Variants in BAIAP3 observed in about 807,000 individuals in gnomAD.
BAIAP3 encodes the protein BAI1-associated protein 3.
A neutral mutation model predicts 149.7 loss-of-function variants in BAIAP3; 180 were observed. The ratio of observed to expected loss-of-function variants is 1.20; its 90% CI spans 1.07 to 1.36. The LOEUF is 1.36. Ranked by LOEUF, BAIAP3 falls within the 40% of genes most tolerant of loss-of-function variation. BAIAP3 has a pLI of 0.00. For missense variants in BAIAP3, 1,767 were observed against 1,563.4 expected (o/e 1.13, Z -2.20); for synonymous variants, 845 against 670.7 (o/e 1.26, Z -4.02).
chr16:1,342,424 A>C, intron 11 of BAIAP3, 103 bp from the exon 12 acceptor site: 1 of 1,377,028 alleles, frequency 7.3e-7, no homozygotes, highest in South Asian at 1.3e-5. Context: ...CATTCCCCGG[A>C]GAAGGGAAGC....
rs1423510440 is a variant in BAIAP3, at chr16:1,348,314, C to T, written c.3355+13C>T. The T allele has an allele frequency of 1.9e-6, 3 of 1,602,664 alleles. No homozygotes were observed. On this transcript the variant is annotated intron_variant, in intron 33 of 33. Coordinates refer to ENST00000426824, the MANE Select transcript of BAIAP3 (RefSeq NM_001199097.2). Reference sequence around the variant, plus strand: ...CCCAGAGCCCAGGGTGAGTGAGCATCTGGGTGGAGGCAGGGGCAGCGGGCC... The same window carrying T: ...CCCAGAGCCCAGGGTGAGTGAGCATTTGGGTGGAGGCAGGGGCAGCGGGCC...
At chr16:1,345,410 C>A in intron 22 of BAIAP3, 38 bp downstream of exon 22, 2 of 1,570,102 alleles carry the variant, frequency 1.3e-6, no homozygotes, top group South Asian at 2.3e-5. Flanking sequence ...TGGGGCTGGT[C>A]CAGGCCCCCA....
At chr16:1,343,603 C>CT in intron 15 of BAIAP3, 90 bp downstream of exon 15, 1 of 1,521,324 alleles carries the variant, frequency 6.6e-7, no homozygotes, top group Non-Finnish European at 8.9e-7. Flanking sequence ...GGGGCAGAGT[C>CT]CTGCCCGCGT....
rs552188478 is a variant in BAIAP3, at chr16:1,334,411, G to T, written c.-11+662G>T. On this transcript the variant is annotated intron_variant, in intron 1 of 33. Coordinates refer to ENST00000426824, the MANE Select transcript of BAIAP3 (RefSeq NM_001199097.2). ...AGACCCCCATAGAACTGGGGGTGTGGCTCCTGCGGGCGCCCGGGGCCCCGG... is the reference window on the plus strand; with the variant it reads ...AGACCCCCATAGAACTGGGGGTGTGTCTCCTGCGGGCGCCCGGGGCCCCGG... The T allele has an allele frequency of 7.6e-3, 4,172 of 547,770 alleles. 26 individuals are homozygous for T. Among genetic ancestry groups the T allele is most frequent in the Non-Finnish European group, 0.011 (3,371 of 303,904 alleles). 33.9% of individuals were successfully genotyped at this position (547,770 alleles called of 1,614,324 possible).
In BAIAP3 at chr16:1,348,198, C is replaced by T; in HGVS notation, c.3252C>T (p.Ala1084=). 6.2e-7 allele frequency: 1 copy of T among 1,609,110 alleles called. No individual in the cohort carries two copies. Residue 1084 remains alanine, a synonymous_variant, in exon 33 of 34, where the codon GCC becomes GCT. Transcript: ENST00000426824. Reference sequence around the variant, plus strand: ...CCAACGACTTCGCTGGGGAGGCGGCCCTCGGCCTAGGTGGCGTCACTGGTG... The same window carrying T: ...CCAACGACTTCGCTGGGGAGGCGGCTCTCGGCCTAGGTGGCGTCACTGGTG... The part of the protein sequence containing the change: ...LSTNDFAGEA[A]LGLGGVTGVA...
Position 1,349,302 on chromosome 16 carries a change from G to A in BAIAP3, c.*820G>A. On this transcript the variant is annotated 3_prime_UTR_variant, in exon 34 of 34. Coordinates refer to ENST00000426824, the MANE Select transcript of BAIAP3 (RefSeq NM_001199097.2). ...CAGGACACAGAGCACAGCTGTGCTGGAAGTGTGGGGAGAACCCGGACAGCT... is the reference window on the plus strand; with the variant it reads ...CAGGACACAGAGCACAGCTGTGCTGAAAGTGTGGGGAGAACCCGGACAGCT... 3.1e-6 allele frequency: 3 copies of A among 966,428 alleles called. No individual in the cohort carries two copies. Among genetic ancestry groups the A allele is most frequent in the South Asian group, 1.4e-5 (1 of 73,598 alleles). The allele number at this position is 966,428 out of a possible 1,614,324, so 59.9% of individuals were successfully genotyped here.
rs903531125 is a variant in BAIAP3 at position 1,346,269 on chromosome 16, G to T, written c.2401G>T (p.Val801Leu). ...AGAGGGGGCCACGGGGCCCGAGGGG[G>T]TGCTCCCCCGCCCTCTGCTCAGCTG... is the stretch of plus-strand genomic sequence containing the variant. ...WPEGATGPEG[V>L]LPRPLLSCTQ... The change falls in exon 25 of 34, where the codon GTG becomes TTG. Residue 801 changes from valine (V) to leucine (L), a missense_variant. By Grantham distance (32) the Val-to-Leu change is conservative. Coordinates refer to ENST00000426824, the MANE Select transcript of BAIAP3 (RefSeq NM_001199097.2). 6.2e-7 allele frequency: 1 copy of T among 1,609,872 alleles called. No individual in the cohort carries two copies. Among genetic ancestry groups the T allele is most frequent in the Non-Finnish European group, 8.5e-7 (1 of 1,178,234 alleles).
rs751284832 is a variant in BAIAP3, at chr16:1,347,645, A to G, written c.2904+20A>G. The G allele has an allele frequency of 1.9e-5, 30 of 1,612,840 alleles. No individual in the cohort carries two copies. Among genetic ancestry groups the G allele is most frequent in the Admixed American group, 8.3e-5 (5 of 60,002 alleles). Reference sequence around the variant, plus strand: ...AAACAGGTAGGGAGGCGCCAGGGACAGGGTGCTGCCTCCGAGGCTCCCAGA... The same window carrying G: ...AAACAGGTAGGGAGGCGCCAGGGACGGGGTGCTGCCTCCGAGGCTCCCAGA... On this transcript the variant is annotated intron_variant, in intron 30 of 33. Transcript: ENST00000426824.
In BAIAP3 at chr16:1,338,678, C is replaced by G. The variant is rs543316378; in HGVS notation, c.129C>G (p.Ala43=). ...SADPQEPATG[A]WKPGDGVEFF... ...ACCCGCAGGAGCCTGCCACGGGGGC[C>G]TGGTGGGTGCCGAGGGGCCCAGCCC... Residue 43 remains alanine (A), a splice_region_variant and synonymous_variant, in exon 2 of 34, where the codon GCC becomes GCG. Coordinates refer to ENST00000426824, the MANE Select transcript of BAIAP3 (RefSeq NM_001199097.2). The G allele has an allele frequency of 3.7e-5, 58 of 1,578,668 alleles. 1 individual carries two copies. The South Asian group carries it at 6.2e-4, about 17-fold the overall frequency.
chr16:1,344,848 T>C lies in BAIAP3; in HGVS notation c.1808T>C (p.Leu603Pro). Residue 603 changes from leucine to proline, a missense_variant and splice_region_variant, in exon 20 of 34, where the codon CTG (leucine) becomes CCG (proline). Coordinates refer to ENST00000426824, the MANE Select transcript of BAIAP3 (RefSeq NM_001199097.2). ...FTLTFRQLER[L>P]VAEEAWVLTE... ...CTGACCTTCCGGCAGCTGGAGCGTC[T>C]GGTGAGGAGGGTCCCTGACCCCGGG... 6.2e-7 allele frequency: 1 copy of C among 1,613,716 alleles called. No individual in the cohort carries two copies. The highest frequency in any genetic ancestry group is 8.5e-7 in the Non-Finnish European group (1 of 1,180,004).
At chr16:1,337,375 G>A (rs2033527244) in intron 1 of BAIAP3, among the ~76,000 whole-genome samples, 1 of 152,216 alleles carries the variant, frequency 6.6e-6, no homozygotes, top group African/African-American at 2.4e-5. Context: ...AAAATCAGCT[G>A]GGCTTGGTGG....
At position 1,342,991 on chromosome 16, in the gene BAIAP3, C is replaced by T. The variant is rs748675139; in HGVS notation, c.1240C>T (p.Leu414=). The part of the protein sequence containing the change: ...ILCLHGAQSN[L]SPLQLAVLHW... ...CTGCCTGCACGGAGCCCAGAGCAAC[C>T]TGTCACCCTTGCAGCTGGCCGTGCT... Residue 414 remains leucine (L), a synonymous_variant, in exon 14 of 34, where the codon CTG becomes TTG. Coordinates refer to ENST00000426824, the MANE Select transcript of BAIAP3 (RefSeq NM_001199097.2). 3.1e-6 allele frequency: 5 copies of T among 1,610,578 alleles called. No individual in the cohort carries two copies. The highest frequency in any genetic ancestry group is 2.2e-5 in the East Asian group (1 of 44,840).
In BAIAP3 at chr16:1,348,029, A is replaced by C. The variant is rs569986990; in HGVS notation, c.3149+12A>C. 21 of 1,605,256 alleles carry C rather than the reference A, an allele frequency of 1.3e-5. No individual in the cohort carries two copies. The East Asian group carries it at 4.2e-4, about 32-fold the overall frequency. ...GAACTCTTCTACTTGTGAGTGTCCT[A>C]AGCCCCAGCCCCAGCCCCAGGCTCC... On this transcript the variant is annotated intron_variant, in intron 32 of 33. Coordinates refer to ENST00000426824, the MANE Select transcript of BAIAP3 (RefSeq NM_001199097.2).
intron 6 of BAIAP3, 47 bp from the exon 7 acceptor site, chr16:1,341,082 G>A: frequency 6.2e-7 from 1 of 1,611,054 alleles, no homozygotes. Flanking sequence ...AGGGCATCTG[G>A]GGGGCAGCTC....
Position 1,346,585 on chromosome 16 carries a change from C to T in BAIAP3, c.2563-20C>T, listed in dbSNP as rs1187888904. The stretch of plus-strand genomic sequence containing the variant: ...GGCAGAGGTGCGGGGTAAGCCTGGC[C>T]TGACCACCCCTGCCCGCAGGCCGTG... On this transcript the variant is annotated intron_variant, in intron 26 of 33. Coordinates refer to ENST00000426824, the MANE Select transcript of BAIAP3 (RefSeq NM_001199097.2). The T allele has an allele frequency of 2.6e-6, 4 of 1,561,566 alleles. No individual in the cohort carries two copies. Among genetic ancestry groups the T allele is most frequent in the Non-Finnish European group, 3.5e-6 (4 of 1,153,878 alleles).
Position 1,344,668 on chromosome 16 carries a change from G to C in BAIAP3, c.1727G>C (p.Cys576Ser). 1 of 1,613,460 alleles carries C rather than the reference G, an allele frequency of 6.2e-7. No individual in the cohort carries two copies. Among genetic ancestry groups the C allele is most frequent in the East Asian group, 2.2e-5 (1 of 44,878 alleles). The change falls in exon 19 of 34, where the codon TGC becomes TCC. Residue 576 changes from cysteine (C) to serine (S), a missense_variant. Cys to Ser is a moderately radical substitution (Grantham distance 112, BLOSUM62 -1). Coordinates refer to ENST00000426824, the MANE Select transcript of BAIAP3 (RefSeq NM_001199097.2). ...GCCGTCTATGATGACCTTCAGTTCT[G>C]CTACAGTGTGTACGCCAGCCTCTTC... Reference protein sequence around the residue: ...ADAVYDDLQFCYSVYASLFHS... With the variant: ...ADAVYDDLQFSYSVYASLFHS...
chr16:1,348,752 G>A lies in BAIAP3; in HGVS notation c.*270G>A, dbSNP rs556635136. ...CCAGGACACAGTGCAGGCCAGAGCG[G>A]GCTTGACCACCTGGTGGGCCTCCCT... On this transcript the variant is annotated 3_prime_UTR_variant, in exon 34 of 34. Coordinates refer to ENST00000426824, the MANE Select transcript of BAIAP3 (RefSeq NM_001199097.2). 611 of 533,336 alleles carry A rather than the reference G, an allele frequency of 1.1e-3. No individual in the cohort carries two copies. The highest frequency in any genetic ancestry group is 1.9e-3 in the Non-Finnish European group (562 of 298,188). 33.0% of individuals were successfully genotyped at this position (533,336 alleles called of 1,614,324 possible).
intron 23 of BAIAP3, 37 bp from the exon 24 acceptor site, chr16:1,345,949 A>T (rs1467158834): frequency 6.3e-7 from 1 of 1,587,898 alleles, no homozygotes; most frequent in South Asian, 1.1e-5. Context: ...GGGGCAGGGG[A>T]GGGCTCCATG....
Position 1,344,645 on chromosome 16 carries a change from C to T in BAIAP3, c.1704C>T (p.Ala568=), listed in dbSNP as rs768310074. The T allele has an allele frequency of 3.1e-5, 50 of 1,613,266 alleles. No homozygotes were observed. In the Middle Eastern group the frequency reaches 1.6e-3, roughly 53 times the overall value. Residue 568 remains alanine, a synonymous_variant, in exon 19 of 34, where the codon GCC becomes GCT. Coordinates refer to ENST00000426824, the MANE Select transcript of BAIAP3 (RefSeq NM_001199097.2). ...CTGGGCTGGTTGTGCTGGCTGACGC[C>T]GTCTATGATGACCTTCAGTTCTGCT... The part of the protein sequence containing the change: ...RLPGLVVLAD[A]VYDDLQFCYS...
Sources: gnomAD v4.1 joint callset for allele counts (sites outside exome capture counted in the v4.1 genomes callset) on GRCh38, gnomAD v4.1.1 for gene constraint, MANE v1.5 for transcripts, NCBI Gene and HGNC (gene_info 2026-07-23, HGNC 2026-07-21) for gene names.